Variants in ANKS1A observed in about 807,000 individuals in gnomAD.
The protein encoded by ANKS1A is ankyrin repeat and sterile alpha motif domain containing 1A.
In ANKS1A, 55 loss-of-function variants were observed where a neutral mutation model predicts 120.3. The ratio of observed to expected loss-of-function variants is 0.46; its 90% confidence interval spans 0.37 to 0.57. The LOEUF is 0.57. ANKS1A is among the 20% of genes least tolerant of loss of function. The probability of loss-of-function intolerance (pLI) is 0.00; values close to 1 mark genes in which losing one functional copy is unlikely to be tolerated. For synonymous variants in ANKS1A, 590 were observed against 604.7 expected (o/e 0.98, Z 0.36); for missense variants, 1,123 against 1,480.3 (o/e 0.76, Z 3.96).
At chr6:34,936,730 C>T (rs1769274750) in intron 1 of ANKS1A, among the ~76,000 whole-genome samples, 1 of 152,176 alleles carries the variant, frequency 6.6e-6, no homozygotes, top group Admixed American at 6.5e-5. Context: ...TTCATTCACT[C>T]CATCTCCAAC....
intron 3 of ANKS1A, among the ~76,000 whole-genome samples, chr6:34,971,158 C>G (rs1771164537): frequency 6.6e-6 from 1 of 152,140 alleles, no homozygotes. Context: ...AATGAACTCA[C>G]AAATCAGGAA....
intron 1 of ANKS1A, among the ~76,000 whole-genome samples, chr6:34,962,682 A>G (rs562955440): frequency 0.013 from 1,939 of 151,688 alleles, 42 homozygotes; most frequent in African/African-American, 0.044. Context: ...CCAGCTACTC[A>G]GGAGGCTGAG....
chr6:35,066,052 C>T (rs1776758061), intron 13 of ANKS1A, among the ~76,000 whole-genome samples: 1 of 152,176 alleles, frequency 6.6e-6, no homozygotes, highest in Admixed American at 6.5e-5. Context: ...GGTTCCCCTC[C>T]AGGTCCCCGC....
Position 34,932,415 on chromosome 6 carries a change from C to T in ANKS1A, c.198-34824C>T, listed in dbSNP as rs750930416. 1.3e-4 allele frequency among the ~76,000 whole-genome samples: 20 copies of T among 151,196 alleles called. No homozygotes were observed. In the South Asian group the frequency reaches 2.5e-3, roughly 19 times the overall value. On this transcript the variant is annotated intron_variant, in intron 1 of 23. Coordinates refer to ENST00000360359, the MANE Select transcript of ANKS1A (RefSeq NM_015245.3). ...CCAGGCTGGTCTTGAACTCCTCAGG[C>T]GATCCGCCTGAGGATCTGGAGTGCA...
intron 1 of ANKS1A, among the ~76,000 whole-genome samples, chr6:34,966,118 A>G (rs939656715): frequency 1.3e-5 from 2 of 152,170 alleles, no homozygotes; most frequent in Admixed American, 6.5e-5. Context: ...TAACACTGAT[A>G]CCATCCAGTA....
rs114656746 is a variant in ANKS1A at position 35,080,029 on chromosome 6, G to A, written c.2544+101G>A. 6.7e-6 allele frequency: 9 copies of A among 1,335,562 alleles called. No homozygotes were observed. In the African/African-American group the frequency reaches 1.2e-4, roughly 17 times the overall value. The allele number at this position is 1,335,562 out of a possible 1,614,324, so 82.7% of individuals were successfully genotyped here. A position where few individuals can be genotyped will look rare whatever the true frequency, so the allele number is the denominator to read the frequency against. On this transcript the variant is annotated intron_variant, in intron 16 of 23. Transcript: ENST00000360359. ...TTCTTCAGAGACCACTGTAGTGTAG[G>A]AGAAAGCAGCTCCAACAAGAAGAGA...
chr6:35,036,173 T>G (rs753994644), intron 11 of ANKS1A, among the ~76,000 whole-genome samples: 10 of 152,226 alleles, frequency 6.6e-5, no homozygotes, highest in Non-Finnish European at 1.0e-4. Context: ...CCTTTAATTG[T>G]GGCATTCATG....
At chr6:35,020,572 C>T (rs916604913) in intron 11 of ANKS1A, among the ~76,000 whole-genome samples, 2 of 152,154 alleles carry the variant, frequency 1.3e-5, no homozygotes, top group African/African-American at 2.4e-5. Flanking sequence ...TCCTTCTGAG[C>T]GTATCCCAAA....
Position 35,078,630 on chromosome 6 carries a change from C to T in ANKS1A, c.2257C>T (p.Leu753Phe). 1 of 1,604,268 alleles carries T rather than the reference C, an allele frequency of 6.2e-7. No homozygotes were observed. The highest frequency in any genetic ancestry group is 8.5e-7 in the Non-Finnish European group (1 of 1,179,884). Reference protein sequence around the residue: ...ISDPQHRRKLLQAARSLPKVK... With the variant: ...ISDPQHRRKLFQAARSLPKVK... Reference sequence around the variant, plus strand: ...CGACCCACAGCACCGGCGGAAGCTGCTCCAGGCGGCACGCTCCCTACCCAA... The same window carrying T: ...CGACCCACAGCACCGGCGGAAGCTGTTCCAGGCGGCACGCTCCCTACCCAA... Residue 753 changes from leucine (L) to phenylalanine (F), a missense_variant, in exon 14 of 24, where the codon CTC (leucine) becomes TTC (phenylalanine). Leu to Phe is a conservative substitution (Grantham distance 22, BLOSUM62 0). This residue lies in a region of ANKS1A where 904 missense variants were observed against 1,130.4 expected (regional missense o/e 0.80). Transcript: ENST00000360359.
At chr6:35,042,934 G>T (rs1386083038) in intron 11 of ANKS1A, among the ~76,000 whole-genome samples, 1 of 152,246 alleles carries the variant, frequency 6.6e-6, no homozygotes, top group Non-Finnish European at 1.5e-5. Flanking sequence ...TGATGGGGTT[G>T]TGGGTGGGGC....
intron 10 of ANKS1A, among the ~76,000 whole-genome samples, chr6:35,009,166 A>G (rs1005413907): frequency 1.5e-4 from 23 of 152,124 alleles, no homozygotes; most frequent in East Asian, 3.9e-4. Flanking sequence ...AGACTGGGAG[A>G]GACTGGAGGC....
At position 35,088,844 on chromosome 6, in the gene ANKS1A, G is replaced by A; in HGVS notation, c.*235G>A. 6.9e-7 allele frequency: 1 copy of A among 1,456,360 alleles called. No individual in the cohort carries two copies. The allele number at this position is 1,456,360 out of a possible 1,614,324, so 90.2% of individuals were successfully genotyped here. On this transcript the variant is annotated 3_prime_UTR_variant, in exon 24 of 24. Transcript: ENST00000360359. The stretch of plus-strand genomic sequence containing the variant: ...GCTAGCAGATGGGACTGGCATTCCA[G>A]AGGGTCAAGAAGTGACTTGTTCAGA...
At chr6:34,918,039 G>A (rs1768253452) in intron 1 of ANKS1A, among the ~76,000 whole-genome samples, 1 of 152,034 alleles carries the variant, frequency 6.6e-6, no homozygotes. Flanking sequence ...TGCCCTCTCT[G>A]CCGTGTTCTA....
chr6:34,918,697 T>C (rs543000899), intron 1 of ANKS1A, among the ~76,000 whole-genome samples: 1 of 152,320 alleles, frequency 6.6e-6, no homozygotes, highest in East Asian at 1.9e-4. Context: ...AATTGTATTG[T>C]CTCATTAAAA....
intron 10 of ANKS1A, 131 bp from the exon 11 acceptor site, chr6:35,017,342 C>G: frequency 1.1e-6 from 1 of 916,390 alleles, no homozygotes; most frequent in South Asian, 1.8e-5. Flanking sequence ...CTCCCCCTCC[C>G]CAGCCTATCC....
At chr6:35,036,187 T>C (rs1002855782) in intron 11 of ANKS1A, among the ~76,000 whole-genome samples, 6 of 152,180 alleles carry the variant, frequency 3.9e-5, no homozygotes, top group African/African-American at 1.4e-4. Flanking sequence ...ATTCATGAAT[T>C]GAATTGGACT....
chr6:34,964,942 C>T (rs932653275), intron 1 of ANKS1A, among the ~76,000 whole-genome samples: 2 of 152,290 alleles, frequency 1.3e-5, no homozygotes, highest in Non-Finnish European at 2.9e-5. Context: ...AATTTGCATT[C>T]TTCTAGATTG....
chr6:35,087,903 G>T (rs1440879798), intron 23 of ANKS1A, among the ~76,000 whole-genome samples: 2 of 152,252 alleles, frequency 1.3e-5, no homozygotes, highest in Non-Finnish European at 2.9e-5. Flanking sequence ...GAGTCTCAAG[G>T]CCTGGCAGCC....
chr6:35,051,473 G>A (rs1775960490), intron 11 of ANKS1A, among the ~76,000 whole-genome samples: 1 of 152,320 alleles, frequency 6.6e-6, no homozygotes, highest in South Asian at 2.1e-4. Context: ...ATACCCTGGA[G>A]TCACCCCACC....
Sources: allele counts gnomAD v4.1 joint callset (sites outside exome capture counted in the v4.1 genomes callset), GRCh38; gene constraint gnomAD v4.1.1; regional missense constraint gnomAD v4.1.1; transcripts MANE v1.5; gene names NCBI Gene and HGNC (gene_info 2026-07-23, HGNC 2026-07-21).